The following KIF26B variants were observed in gnomAD, a reference collection of about 807,000 sequenced individuals.
The protein encoded by KIF26B is kinesin-like protein KIF26B.
Under a neutral mutation model 151.2 loss-of-function variants are expected in KIF26B, and 63 were observed. The observed-to-expected ratio is 0.42, with a 90% CI of 0.34 to 0.51. KIF26B has a LOEUF of 0.51. KIF26B is among the 20% of genes least tolerant of loss of function. The pLI, the probability that KIF26B is intolerant of heterozygous loss-of-function variation, is 0.07. For synonymous variants in KIF26B, 1,357 were observed against 1,262.1 expected, an observed-to-expected ratio of 1.08 and a Z score of -1.59; for missense variants, 2,813 against 2,913.6, an observed-to-expected ratio of 0.97 and a Z score of 0.79.
rs1011913508 is a variant in KIF26B, at chr1:245,661,716, C to G, written c.2258+15436C>G. Among the ~76,000 whole-genome samples the G allele has an allele frequency of 3.2e-4, 5 of 15,682 alleles. No homozygotes were observed. The East Asian group carries it at 0.028, about 88-fold the overall frequency. The allele number at this position is 15,682 out of a possible 152,430, so 10.3% of individuals were successfully genotyped here. On this transcript the variant is annotated intron_variant, in intron 10 of 14. Coordinates refer to ENST00000407071, the MANE Select transcript of KIF26B (RefSeq NM_018012.4). ...AATGTTATACATATATACACACACA[C>G]CACCAATATATATACACCCAGTGTT... is the stretch of plus-strand genomic sequence containing the variant.
chr1:245,413,038 A>G (rs1674324744), intron 3 of KIF26B, among the ~76,000 whole-genome samples: 1 of 152,170 alleles, frequency 6.6e-6, no homozygotes, highest in Non-Finnish European at 1.5e-5. Flanking sequence ...AAGGAGTGAA[A>G]TGGTCCCCTG....
intron 2 of KIF26B, among the ~76,000 whole-genome samples, chr1:245,235,920 T>A (rs1260816780): frequency 7.5e-6 from 1 of 133,860 alleles, no homozygotes. Flanking sequence ...TTGTACACAC[T>A]GCATCACTTA....
At chr1:245,290,848 C>G (rs1283588271) in intron 2 of KIF26B, among the ~76,000 whole-genome samples, 3 of 152,220 alleles carry the variant, frequency 2.0e-5, no homozygotes, top group African/African-American at 7.2e-5. Flanking sequence ...CACTGCAAAA[C>G]TTAGTGTCTT....
At chr1:245,269,700 T>G (rs1670815795) in intron 2 of KIF26B, among the ~76,000 whole-genome samples, 1 of 152,088 alleles carries the variant, frequency 6.6e-6, no homozygotes, top group South Asian at 2.1e-4. Context: ...CCTGATCTAG[T>G]GATCCATCCA....
At chr1:245,547,832 A>G (rs1019550059) in intron 5 of KIF26B, among the ~76,000 whole-genome samples, 2 of 152,144 alleles carry the variant, frequency 1.3e-5, no homozygotes, top group African/African-American at 4.8e-5. Flanking sequence ...ACAGAGCAAA[A>G]TGGATGAAAG....
At chr1:245,396,334 TA>T (rs1441093488) in intron 3 of KIF26B, among the ~76,000 whole-genome samples, 1 of 144,322 alleles carries the variant, frequency 6.9e-6, no homozygotes, top group African/African-American at 2.9e-5. Context: ...TACCTTTGAA[TA>T]AAATTAAAAT....
chr1:245,602,671 C>T lies in KIF26B; in HGVS notation c.1445C>T (p.Thr482Ile), dbSNP rs372463013. ...LKVDPRKKQITLYDPLTCGGQ... is the reference protein window; with the variant it reads ...LKVDPRKKQIILYDPLTCGGQ... ...GTGGACCCACGGAAGAAGCAGATCA[C>T]CTTGTACGATCCCCTGACTTGTGGA... is the stretch of plus-strand genomic sequence containing the variant. The change falls in exon 6 of 15, where the codon ACC (threonine) becomes ATC (isoleucine). Residue 482 changes from threonine to isoleucine, a missense_variant. By Grantham distance (89) the Thr-to-Ile change is moderately conservative (BLOSUM62 -1). Transcript: ENST00000407071. This position sits in a 1 kb window ranked among gnomAD's most constrained non-coding sequence, Gnocchi z 4.5. The T allele has an allele frequency of 2.2e-5, 36 of 1,613,900 alleles. No homozygotes were observed. The highest frequency in any genetic ancestry group is 2.8e-5 in the Non-Finnish European group (33 of 1,179,878).
chr1:245,679,325 T>C (rs1258984186), intron 10 of KIF26B, among the ~76,000 whole-genome samples: 1 of 152,172 alleles, frequency 6.6e-6, no homozygotes, highest in East Asian at 1.9e-4. Flanking sequence ...CTTTCATGCC[T>C]TTAAAAATGA....
In KIF26B at chr1:245,667,734, C is replaced by T. The variant is rs2044232335; in HGVS notation, c.2259-16499C>T. 6.6e-6 allele frequency among the ~76,000 whole-genome samples: 1 copy of T among 152,162 alleles called. No individual in the cohort carries two copies. The highest frequency in any genetic ancestry group is 1.5e-5 in the Non-Finnish European group (1 of 68,022). ...GAGGTGGCAGGAGTGACATTTGGGCCATCCAGGCAACTCACCAAGTCCCTT... is the reference window on the plus strand; with the variant it reads ...GAGGTGGCAGGAGTGACATTTGGGCTATCCAGGCAACTCACCAAGTCCCTT... On this transcript the variant is annotated intron_variant, in intron 10 of 14. Coordinates refer to ENST00000407071, the MANE Select transcript of KIF26B (RefSeq NM_018012.4). The surrounding 1 kb of genome is among the most constrained non-coding windows in gnomAD (Gnocchi z 4.3).
rs181529470 is a variant in KIF26B, at chr1:245,653,168, G to A, written c.2258+6888G>A. Among the ~76,000 whole-genome samples, 283 of 152,246 alleles carry A rather than the reference G, an allele frequency of 1.9e-3. 2 individuals are homozygous for A. Among genetic ancestry groups the A allele is most frequent in the Non-Finnish European group, 2.8e-3 (190 of 68,004 alleles). On this transcript the variant is annotated intron_variant, in intron 10 of 14. Coordinates refer to ENST00000407071, the MANE Select transcript of KIF26B (RefSeq NM_018012.4). ...TGCAGGGGAGGGACAGGCAGACAGCGCCAGCTGTCACCCAGGCTCACGTTC... is the reference window on the plus strand; with the variant it reads ...TGCAGGGGAGGGACAGGCAGACAGCACCAGCTGTCACCCAGGCTCACGTTC...
chr1:245,370,681 G>A (rs533159743), intron 3 of KIF26B: 1 of 452,946 alleles, frequency 2.2e-6, no homozygotes, highest in Non-Finnish European at 4.5e-6. Flanking sequence ...GTGCTTTCCT[G>A]TAAAATATTC....
chr1:245,545,120 G>C (rs941305636), intron 5 of KIF26B, among the ~76,000 whole-genome samples: 1 of 100,736 alleles, frequency 9.9e-6, no homozygotes. Flanking sequence ...TTTTTTTTTT[G>C]AGACAGAGTC....
intron 2 of KIF26B, among the ~76,000 whole-genome samples, chr1:245,359,854 ATTTC>A (rs760040009): frequency 4.6e-4 from 67 of 145,646 alleles, no homozygotes; most frequent in African/African-American, 1.3e-3. Flanking sequence ...GCCTATTGTG[ATTTC>A]TTTCTTTCTT....
At chr1:245,233,097 G>T (rs536820954) in intron 2 of KIF26B, among the ~76,000 whole-genome samples, 10 of 152,260 alleles carry the variant, frequency 6.6e-5, no homozygotes, top group Admixed American at 5.2e-4. Flanking sequence ...GATTACAGAC[G>T]CACTTTCTCA....
rs540020834 is a variant in KIF26B at position 245,155,333 on chromosome 1, C to T, written c.-92C>T. 3.8e-6 allele frequency: 4 copies of T among 1,065,288 alleles called. No homozygotes were observed. Among genetic ancestry groups the T allele is most frequent in the East Asian group, 2.6e-5 (1 of 38,422 alleles). The allele number at this position is 1,065,288 out of a possible 1,614,324, so 66.0% of individuals were successfully genotyped here. A position where few individuals can be genotyped will look rare whatever the true frequency, so the allele number is the denominator to read the frequency against. Reference sequence around the variant, plus strand: ...CCTTGCCCTGAGGGCTGAGAGCCAGCCCCCTGCAGCCGGGGGACGCTTCTG... The same window carrying T: ...CCTTGCCCTGAGGGCTGAGAGCCAGTCCCCTGCAGCCGGGGGACGCTTCTG... On this transcript the variant is annotated 5_prime_UTR_variant, in exon 1 of 15. Coordinates refer to ENST00000407071, the MANE Select transcript of KIF26B (RefSeq NM_018012.4).
At chr1:245,448,185 T>C (rs1489671647) in intron 4 of KIF26B, among the ~76,000 whole-genome samples, 1 of 152,206 alleles carries the variant, frequency 6.6e-6, no homozygotes, top group Non-Finnish European at 1.5e-5. Flanking sequence ...ACCAATAAAT[T>C]CCATTTTATT....
At chr1:245,316,794 G>C (rs186405028) in intron 2 of KIF26B, among the ~76,000 whole-genome samples, 1 of 137,144 alleles carries the variant, frequency 7.3e-6, no homozygotes, top group Admixed American at 7.1e-5. Flanking sequence ...ATGAATACAA[G>C]TGTGATTTCT....
At chr1:245,423,243 A>C (rs1768103) in intron 4 of KIF26B, among the ~76,000 whole-genome samples, 17,289 of 152,192 alleles carry the variant, frequency 0.11, 1,172 homozygotes, top group African/African-American at 0.18. Flanking sequence ...GGCATCACTC[A>C]CTATTAACTA....
intron 2 of KIF26B, among the ~76,000 whole-genome samples, chr1:245,184,145 A>G (rs890429269): frequency 7.1e-6 from 1 of 141,572 alleles, no homozygotes; most frequent in African/African-American, 2.7e-5. Flanking sequence ...AAGTGGGGGG[A>G]AGTGAGATGC....
Sources: allele counts gnomAD v4.1 joint callset (sites outside exome capture counted in the v4.1 genomes callset), GRCh38; gene constraint gnomAD v4.1.1; non-coding constraint Gnocchi (gnomAD v3.1); transcripts MANE v1.5; gene names NCBI Gene and HGNC (gene_info 2026-07-23, HGNC 2026-07-21).